IREB2: variants seen among roughly 807,000 people sequenced by gnomAD.
IREB2 encodes iron responsive element binding protein 2.
In IREB2, 39 loss-of-function variants were observed where a neutral mutation model predicts 118.8. The observed-to-expected ratio is 0.33, with a 90% CI of 0.25 to 0.43. The LOEUF (loss-of-function observed/expected upper bound fraction) is 0.43, where lower values mean the gene tolerates loss of function less well. Among genes scored for constraint, IREB2 ranks in the 20% least tolerant of loss-of-function variants. The probability of loss-of-function intolerance (pLI) is 1.00; values close to 1 mark genes in which losing one functional copy is unlikely to be tolerated. For synonymous variants in IREB2, 372 were observed against 392.2 expected, an observed-to-expected ratio of 0.95 and a Z score of 0.61; for missense variants, 900 against 1,147.3, an observed-to-expected ratio of 0.78 and a Z score of 3.11.
At chr15:78,460,418 TAA>T (rs1158467710) in intron 2 of IREB2, among the ~76,000 whole-genome samples, 2 of 152,244 alleles carry the variant, frequency 1.3e-5, no homozygotes, top group Non-Finnish European at 2.9e-5. Flanking sequence ...AAAGGTTTTT[TAA>T]GAGTCATTAT....
intron 10 of IREB2, among the ~76,000 whole-genome samples, chr15:78,479,365 G>T (rs1422785219): frequency 2.7e-5 from 4 of 148,696 alleles, no homozygotes; most frequent in Admixed American, 1.3e-4. Flanking sequence ...AGTGAATTTT[G>T]TAATATCTTA....
Position 78,478,408 on chromosome 15 carries a change from A to G in IREB2, c.1296+11A>G, listed in dbSNP as rs1478686751. On this transcript the variant is annotated intron_variant, in intron 10 of 21. Coordinates refer to ENST00000258886, the MANE Select transcript of IREB2 (RefSeq NM_004136.4). ...CCTGAATACTCCCAGGTATATGCAG[A>G]ATAACCCACCTCGTAGCAAAGAGTG... 1 of 1,448,284 alleles carries G rather than the reference A, an allele frequency of 6.9e-7. No homozygotes were observed. The highest frequency in any genetic ancestry group is 9.7e-7 in the Non-Finnish European group (1 of 1,029,550). 89.7% of individuals were successfully genotyped at this position (1,448,284 alleles called of 1,614,324 possible).
chr15:78,471,071 G>A (rs2051368949), intron 6 of IREB2: 1 of 152,292 alleles, frequency 6.6e-6, no homozygotes, highest in South Asian at 2.1e-4. Context: ...GAGTACAGTG[G>A]TGTGATCTTG....
At position 78,465,259 on chromosome 15, in the gene IREB2, C is replaced by T; in HGVS notation, c.281C>T (p.Pro94Leu). The T allele has an allele frequency of 6.2e-7, 1 of 1,605,774 alleles. No individual in the cohort carries two copies. The highest frequency in any genetic ancestry group is 8.5e-7 in the Non-Finnish European group (1 of 1,176,906). ...CATTCTTTATTTTTTAGTGGAATAC[C>T]AGCAATGGTGGATTTTGCTGCTATG... ...RVLLQDFTGIPAMVDFAAMRE... is the reference protein window; with the variant it reads ...RVLLQDFTGILAMVDFAAMRE... Residue 94 changes from proline to leucine, a missense_variant, in exon 4 of 22, where the codon CCA (proline) becomes CTA (leucine). By Grantham distance (98) the Pro-to-Leu change is moderately conservative. Coordinates refer to ENST00000258886, the MANE Select transcript of IREB2 (RefSeq NM_004136.4).
intron 18 of IREB2, among the ~76,000 whole-genome samples, chr15:78,491,775 CA>C (rs1160327854): frequency 6.6e-6 from 1 of 152,210 alleles, no homozygotes; most frequent in Non-Finnish European, 1.5e-5. Context: ...GGATTACAGG[CA>C]TGAGCAACCG....
At chr15:78,461,682 A>G (rs2051199736) in intron 2 of IREB2, among the ~76,000 whole-genome samples, 1 of 152,038 alleles carries the variant, frequency 6.6e-6, no homozygotes, top group African/African-American at 2.4e-5. Context: ...GCCCCCCTCC[A>G]CCTCACCCAG....
intron 2 of IREB2, among the ~76,000 whole-genome samples, chr15:78,455,325 A>C (rs1050041922): frequency 1.8e-4 from 27 of 152,148 alleles, no homozygotes; most frequent in African/African-American, 5.8e-4. Flanking sequence ...GGAGCACAAG[A>C]GCGTATGTAG....
chr15:78,474,881 C>A (rs1477468139), intron 8 of IREB2: 1 of 149,844 alleles, frequency 6.7e-6, no homozygotes, highest in Non-Finnish European at 1.5e-5. Context: ...AGGTGAAACC[C>A]CGTCTCTACT....
chr15:78,452,383 T>G (rs749429862), intron 2 of IREB2, among the ~76,000 whole-genome samples: 48 of 152,126 alleles, frequency 3.2e-4, no homozygotes, highest in Non-Finnish European at 3.8e-4. Flanking sequence ...ATCGGGCATG[T>G]GGTTTTGGAG....
intron 20 of IREB2, 82 bp from the exon 21 acceptor site, chr15:78,497,044 A>G: frequency 1.0e-6 from 1 of 991,614 alleles, no homozygotes; most frequent in East Asian, 2.4e-5. Flanking sequence ...AGAAAGGCCA[A>G]AGTAGATTTT....
At chr15:78,497,516 T>C (rs1212392183) in intron 21 of IREB2, among the ~76,000 whole-genome samples, 2 of 152,172 alleles carry the variant, frequency 1.3e-5, no homozygotes, top group Admixed American at 6.5e-5. Flanking sequence ...TGGGTGCTTA[T>C]ACCAGAAAAA....
intron 3 of IREB2, among the ~76,000 whole-genome samples, chr15:78,464,163 A>T (rs368249852): frequency 6.6e-6 from 1 of 152,190 alleles, no homozygotes; most frequent in African/African-American, 2.4e-5. Context: ...CACACTTGCA[A>T]TCAATAGTCT....
At chr15:78,438,756 G>T in intron 1 of IREB2, 1 of 288,012 alleles carries the variant, frequency 3.5e-6, no homozygotes. Context: ...CCGTGTTCGG[G>T]TCTCACGCAG....
intron 11 of IREB2, 84 bp from the exon 12 acceptor site, chr15:78,484,677 C>T (rs192433768): frequency 4.1e-5 from 36 of 884,188 alleles, no homozygotes; most frequent in African/African-American, 3.3e-4. Context: ...ATCAAATGTC[C>T]GGTATCTGCT....
At chr15:78,461,967 GT>G (rs917948684) in intron 2 of IREB2, among the ~76,000 whole-genome samples, 1 of 151,914 alleles carries the variant, frequency 6.6e-6, no homozygotes, top group Admixed American at 6.6e-5. Flanking sequence ...TATATGCTTA[GT>G]TTTTTTGTTT....
At position 78,490,434 on chromosome 15, in the gene IREB2, C is replaced by T. The variant is rs762002533; in HGVS notation, c.2089C>T (p.Arg697Trp). The change falls in exon 17 of 22, where the codon CGG becomes TGG. Residue 697 changes from arginine to tryptophan, a missense_variant. Arg to Trp is a moderately radical substitution (Grantham distance 101, BLOSUM62 -3). Coordinates refer to ENST00000258886, the MANE Select transcript of IREB2 (RefSeq NM_004136.4). ...LKDKIEMGNK[R>W]WNSLEAPDSV... ...ACTGTATTCACAGATGGGGAATAAA[C>T]GGTGGAATTCCTTAGAAGCACCGGA... 7.5e-6 allele frequency: 12 copies of T among 1,599,686 alleles called. No homozygotes were observed. Among genetic ancestry groups the T allele is most frequent in the Admixed American group, 5.4e-5 (3 of 55,906 alleles).
At chr15:78,472,199 T>C (rs2051391793) in intron 7 of IREB2, among the ~76,000 whole-genome samples, 1 of 152,206 alleles carries the variant, frequency 6.6e-6, no homozygotes, top group Non-Finnish European at 1.5e-5. Context: ...TCTACAAAGT[T>C]TGCTTCTTTG....
At chr15:78,463,449 AAAAAT>A (rs974523765) in intron 3 of IREB2, among the ~76,000 whole-genome samples, 28 of 152,222 alleles carry the variant, frequency 1.8e-4, no homozygotes, top group African/African-American at 6.3e-4. Context: ...TCTAAAAATA[AAAAAT>A]AAAATAAAAA....
chr15:78,466,383 C>G lies in IREB2; in HGVS notation c.523C>G (p.Arg175Gly), dbSNP rs760542496. ...TCCCTGCAGAGGCCAGACTACCTGC[C>G]GAGGATCTTGTGATTCTGGAGAACT... Reference protein sequence around the residue: ...KLPCRGQTTCRGSCDSGELGR... With the variant: ...KLPCRGQTTCGGSCDSGELGR... Residue 175 changes from arginine (R) to glycine (G), a missense_variant, in exon 5 of 22, where the codon CGA becomes GGA. Physicochemically the swap from Arg to Gly is moderately radical, Grantham distance 125. Coordinates refer to ENST00000258886, the MANE Select transcript of IREB2 (RefSeq NM_004136.4). The G allele has an allele frequency of 1.9e-6, 3 of 1,613,964 alleles. No homozygotes were observed. The South Asian group carries it at 3.3e-5, about 18-fold the overall frequency.
Sources: gnomAD v4.1 joint callset for allele counts (sites outside exome capture counted in the v4.1 genomes callset) on GRCh38, gnomAD v4.1.1 for gene constraint, MANE v1.5 for transcripts, NCBI Gene and HGNC (gene_info 2026-07-23, HGNC 2026-07-21) for gene names.